Variants in RALYL observed in about 807,000 individuals in gnomAD.
RALYL encodes the protein RALY RNA binding protein like.
In RALYL, 29 loss-of-function variants were observed where a neutral mutation model predicts 35.1. The observed-to-expected ratio is 0.83, with a 90% CI of 0.61 to 1.13. The LOEUF (loss-of-function observed/expected upper bound fraction) is 1.13, where lower values mean the gene tolerates loss of function less well. Among genes scored for constraint, RALYL ranks in the 50% most tolerant of loss-of-function variants. The pLI, the probability that RALYL is intolerant of heterozygous loss-of-function variation, is 0.00. For missense variants in RALYL, 359 were observed against 360.4 expected (o/e 1.00, Z 0.03); for synonymous variants, 120 against 127.6 (o/e 0.94, Z 0.40).
intron 1 of RALYL, among the ~76,000 whole-genome samples, chr8:84,320,847 T>C (rs1419715832): frequency 6.6e-6 from 1 of 152,124 alleles, no homozygotes; most frequent in Non-Finnish European, 1.5e-5. Context: ...TATCAGATTT[T>C]TTTTTCTCTT....
At chr8:84,356,716 C>T (rs1388418) in intron 1 of RALYL, among the ~76,000 whole-genome samples, 35,972 of 149,764 alleles carry the variant, frequency 0.24, 6,121 homozygotes, top group Non-Finnish European at 0.32. Flanking sequence ...TATTAGACAC[C>T]AACTCTTTTG....
intron 1 of RALYL, among the ~76,000 whole-genome samples, chr8:84,345,508 A>G (rs1335543016): frequency 2.0e-5 from 3 of 152,128 alleles, no homozygotes; most frequent in Admixed American, 2.0e-4. Flanking sequence ...ATCTTTAGAT[A>G]CATGAGTCTT....
intron 4 of RALYL, among the ~76,000 whole-genome samples, chr8:84,846,545 G>A (rs1319168431): frequency 6.6e-6 from 1 of 152,186 alleles, no homozygotes; most frequent in Non-Finnish European, 1.5e-5. Flanking sequence ...TTAGAGAGAA[G>A]TCTCTCCTCC....
At chr8:84,807,084 T>G (rs1824822369) in intron 4 of RALYL, among the ~76,000 whole-genome samples, 1 of 152,156 alleles carries the variant, frequency 6.6e-6, no homozygotes, top group South Asian at 2.1e-4. Flanking sequence ...TAGTGGTGAT[T>G]GGTGAGATTT....
intron 1 of RALYL, among the ~76,000 whole-genome samples, chr8:84,359,888 TTTTTTTCTTTTAAC>T (rs1264343811): frequency 6.6e-6 from 1 of 151,828 alleles, no homozygotes; most frequent in Non-Finnish European, 1.5e-5. Flanking sequence ...ATGTTTTTTT[TTTTTTTCTTTTAAC>T]TTTTTTTCTT....
intron 2 of RALYL, among the ~76,000 whole-genome samples, chr8:84,596,619 G>A (rs1472984014): frequency 1.3e-5 from 2 of 152,114 alleles, no homozygotes; most frequent in Admixed American, 6.6e-5. Flanking sequence ...GGGCCACAGT[G>A]AAGTCAACCC....
chr8:84,358,208 G>A (rs1300895528), intron 1 of RALYL, among the ~76,000 whole-genome samples: 2 of 151,830 alleles, frequency 1.3e-5, no homozygotes, highest in African/African-American at 4.8e-5. Context: ...TTTTAATGAA[G>A]TCATTGAAAT....
At chr8:84,710,132 C>T (rs967646491) in intron 2 of RALYL, among the ~76,000 whole-genome samples, 2 of 152,030 alleles carry the variant, frequency 1.3e-5, no homozygotes, top group African/African-American at 4.8e-5. Flanking sequence ...TATCTCTATG[C>T]CTTTGCCTAT....
At chr8:84,737,858 G>T (rs1335908867) in intron 2 of RALYL, among the ~76,000 whole-genome samples, 1 of 151,926 alleles carries the variant, frequency 6.6e-6, no homozygotes, top group African/African-American at 2.4e-5. Context: ...CAGGAAGCAT[G>T]CTCTTACCAG....
At chr8:84,229,879 A>G (rs894671148) in intron 1 of RALYL, among the ~76,000 whole-genome samples, 2 of 152,180 alleles carry the variant, frequency 1.3e-5, no homozygotes, top group African/African-American at 2.4e-5. Flanking sequence ...TTTTCTCCCC[A>G]TGATAAATCT....
rs531677868 is a variant in RALYL at position 84,547,470 on chromosome 8, G to A, written c.256+17893G>A. Among the ~76,000 whole-genome samples, 9 of 151,760 alleles carry A rather than the reference G, an allele frequency of 5.9e-5. No individual in the cohort carries two copies. In the East Asian group the frequency reaches 9.7e-4, roughly 16 times the overall value. ...CAGCTCACTGCAACCTCTGCCTCCC[G>A]GGTTCAAGTGATGATTCTCCTACCT... On this transcript the variant is annotated intron_variant, in intron 2 of 8. Coordinates refer to ENST00000521268, the MANE Select transcript of RALYL (RefSeq NM_173848.7).
Position 84,479,447 on chromosome 8 carries a change from A to G in RALYL, c.-23-49852A>G, listed in dbSNP as rs185284130. On this transcript the variant is annotated intron_variant, in intron 1 of 8. Coordinates refer to ENST00000521268, the MANE Select transcript of RALYL (RefSeq NM_173848.7). Reference sequence around the variant, plus strand: ...AATGGCACAGATTTGTTTTCCTAAAATGACCAAAGCACGTGTTTTAGGATT... The same window carrying G: ...AATGGCACAGATTTGTTTTCCTAAAGTGACCAAAGCACGTGTTTTAGGATT... Among the ~76,000 whole-genome samples, 92 of 152,316 alleles carry G rather than the reference A, an allele frequency of 6.0e-4. 1 individual carries two copies. In the East Asian group the frequency reaches 0.015, roughly 24 times the overall value.
At chr8:84,551,490 G>C (rs1040799565) in intron 2 of RALYL, among the ~76,000 whole-genome samples, 1 of 152,086 alleles carries the variant, frequency 6.6e-6, no homozygotes, top group Non-Finnish European at 1.5e-5. Flanking sequence ...GAGTTAATTA[G>C]ATCAGGCTTT....
At chr8:84,569,829 T>C (rs1357381637) in intron 2 of RALYL, among the ~76,000 whole-genome samples, 2 of 151,898 alleles carry the variant, frequency 1.3e-5, no homozygotes, top group Non-Finnish European at 2.9e-5. Context: ...CCCAACACTA[T>C]TTATCAAGTA....
At chr8:84,227,338 G>A (rs184867499) in intron 1 of RALYL, among the ~76,000 whole-genome samples, 3 of 150,394 alleles carry the variant, frequency 2.0e-5, no homozygotes, top group Admixed American at 6.6e-5. Flanking sequence ...GATTATAGGC[G>A]TGAGCCACCA....
intron 1 of RALYL, among the ~76,000 whole-genome samples, chr8:84,505,758 AAAGTTAGAATAGCATGCTAG>A (rs1294633729): frequency 1.3e-5 from 2 of 152,148 alleles, no homozygotes; most frequent in Non-Finnish European, 2.9e-5. Flanking sequence ...TTTAAATGGT[AAAGTTAGAATAGCATGCTAG>A]AAGTTAGAAT....
chr8:84,747,925 AC>A (rs1809033997), intron 2 of RALYL, among the ~76,000 whole-genome samples: 1 of 151,920 alleles, frequency 6.6e-6, no homozygotes, highest in South Asian at 2.1e-4. Flanking sequence ...ATACCCTGAA[AC>A]TTTTTGTAGT....
chr8:84,542,148 G>A (rs995452014), intron 2 of RALYL, among the ~76,000 whole-genome samples: 1 of 151,742 alleles, frequency 6.6e-6, no homozygotes, highest in Admixed American at 6.6e-5. Context: ...TTATTGTTTT[G>A]CCGTTTCCAC....
chr8:84,798,104 C>T (rs910033181), intron 3 of RALYL, among the ~76,000 whole-genome samples: 6 of 152,066 alleles, frequency 3.9e-5, no homozygotes, highest in Non-Finnish European at 8.8e-5. Flanking sequence ...TATCTCTGGG[C>T]GAACTTATTC....
Sources: gnomAD v4.1 joint callset for allele counts (sites outside exome capture counted in the v4.1 genomes callset) on GRCh38, gnomAD v4.1.1 for gene constraint, MANE v1.5 for transcripts, NCBI Gene and HGNC (gene_info 2026-07-23, HGNC 2026-07-21) for gene names.